SARDH: variants seen among roughly 807,000 people sequenced by gnomAD.
SARDH encodes sarcosine dehydrogenase, mitochondrial.
A neutral mutation model predicts 109.1 loss-of-function variants in SARDH; 95 were observed. That is an observed-to-expected ratio of 0.87 (90% CI 0.74 to 1.03). The LOEUF (loss-of-function observed/expected upper bound fraction) is 1.03. Among genes scored for constraint, SARDH ranks in the 50% least tolerant of loss-of-function variants. SARDH has a pLI of 0.00. For missense variants in SARDH, 1,267 were observed against 1,287.8 expected (o/e 0.98, Z 0.25); for synonymous variants, 572 against 534.8 (o/e 1.07, Z -0.96).
At chr9:133,720,312 C>T (rs1047077478) in intron 6 of SARDH, among the ~76,000 whole-genome samples, 2 of 152,112 alleles carry the variant, frequency 1.3e-5, no homozygotes, top group African/African-American at 4.8e-5. Context: ...GCTGTAATCC[C>T]AGCTACTCAG....
chr9:133,695,357 C>A (rs1263829314), intron 14 of SARDH, among the ~76,000 whole-genome samples: 1 of 152,220 alleles, frequency 6.6e-6, no homozygotes, highest in Non-Finnish European at 1.5e-5. Context: ...GCATGAGAAT[C>A]ACTTGGACCC....
At chr9:133,699,269 G>A (rs1417488683) in intron 13 of SARDH, among the ~76,000 whole-genome samples, 3 of 151,900 alleles carry the variant, frequency 2.0e-5, no homozygotes, top group Admixed American at 1.3e-4. Context: ...TTACTTGGGA[G>A]GCTGAGGCAG....
intron 4 of SARDH, among the ~76,000 whole-genome samples, chr9:133,730,867 C>T (rs1832656559): frequency 6.6e-6 from 1 of 152,120 alleles, no homozygotes. Context: ...GTCCCAGCTA[C>T]TCAGGAGGCT....
At position 133,686,605 on chromosome 9, in the gene SARDH, A is replaced by G. The variant is rs1291174503; in HGVS notation, c.2070-1319T>C. Among the ~76,000 whole-genome samples the G allele has an allele frequency of 6.6e-6, 1 of 151,578 alleles. No individual in the cohort carries two copies. Among genetic ancestry groups the G allele is most frequent in the Non-Finnish European group, 1.5e-5 (1 of 67,882 alleles). On this transcript the variant is annotated intron_variant, in intron 16 of 20. Coordinates refer to ENST00000439388, the MANE Select transcript of SARDH (RefSeq NM_001134707.2). This position sits in a 1 kb window ranked among gnomAD's most constrained non-coding sequence, Gnocchi z 4.0. ...GCCTGGCACAGAGCAGGCTCTCAGT[A>G]AATAGAACTGACTGTGAACACCCTG...
chr9:133,718,877 C>T lies in SARDH; in HGVS notation c.1020+61G>A. ...GAGGATGGACTTCCTGAAAGAGGCC[C>T]TCTCCATGCTGAGATGCAGCCCCAA... On this transcript the variant is annotated intron_variant, in intron 7 of 20. Transcript: ENST00000439388. The surrounding 1 kb of genome is among the most constrained non-coding windows in gnomAD (Gnocchi z 4.2). 1 of 1,301,414 alleles carries T rather than the reference C, an allele frequency of 7.7e-7. No individual in the cohort carries two copies. Among genetic ancestry groups the T allele is most frequent in the Admixed American group, 1.7e-5 (1 of 59,372 alleles). 80.6% of individuals were successfully genotyped at this position (1,301,414 alleles called of 1,614,324 possible). A position where few individuals can be genotyped will look rare whatever the true frequency, so the allele number is the denominator to read the frequency against.
At chr9:133,660,078 A>T (rs1158937483), downstream of SARDH, among the ~76,000 whole-genome samples, 2 of 47,818 alleles carry the variant, frequency 4.2e-5, no homozygotes. Flanking sequence ...CCCCCCACTC[A>T]CACTCTTGCT....
rs1241949541 is a variant in SARDH, at chr9:133,686,447, A to G, written c.2070-1161T>C. Among the ~76,000 whole-genome samples the G allele has an allele frequency of 6.6e-6, 1 of 151,946 alleles. No individual in the cohort carries two copies. The highest frequency in any genetic ancestry group is 2.4e-5 in the African/African-American group (1 of 41,352). The stretch of plus-strand genomic sequence containing the variant: ...CCCAGGAAGCCCTCCCTGACTCCCT[A>G]GGTCTTGGGCAGGTACTCGTTGTCC... On this transcript the variant is annotated intron_variant, in intron 16 of 20. Transcript: ENST00000439388. The surrounding 1 kb of genome is among the most constrained non-coding windows in gnomAD (Gnocchi z 4.0).
chr9:133,720,879 GAAGA>G (rs1457768285), intron 6 of SARDH, among the ~76,000 whole-genome samples: 1 of 152,136 alleles, frequency 6.6e-6, no homozygotes, highest in African/African-American at 2.4e-5. Context: ...AATCTAAGAT[GAAGA>G]AAGAGGTCTT....
At position 133,709,592 on chromosome 9, in the gene SARDH, G is replaced by C. The variant is rs1357080765; in HGVS notation, c.1329-1164C>G. ...GATTCTTAGTCTGCACGTAATTCTAGCAAGCAGAATTTTCTGATCTGGATG... is the reference window on the plus strand; with the variant it reads ...GATTCTTAGTCTGCACGTAATTCTACCAAGCAGAATTTTCTGATCTGGATG... On this transcript the variant is annotated intron_variant, in intron 10 of 20. Coordinates refer to ENST00000439388, the MANE Select transcript of SARDH (RefSeq NM_001134707.2). This position sits in a 1 kb window ranked among gnomAD's most constrained non-coding sequence, Gnocchi z 4.2. Among the ~76,000 whole-genome samples, 2 of 152,118 alleles carry C rather than the reference G, an allele frequency of 1.3e-5. No individual in the cohort carries two copies. The highest frequency in any genetic ancestry group is 4.8e-5 in the African/African-American group (2 of 41,398).
At chr9:133,687,987 C>T (rs990360995) in intron 16 of SARDH, among the ~76,000 whole-genome samples, 4 of 152,106 alleles carry the variant, frequency 2.6e-5, no homozygotes, top group Non-Finnish European at 5.9e-5. Context: ...TGAGGCTGGG[C>T]GCACCGGCCG....
intron 13 of SARDH, among the ~76,000 whole-genome samples, chr9:133,701,531 A>G (rs1023738079): frequency 3.9e-5 from 6 of 152,282 alleles, no homozygotes; most frequent in South Asian, 2.1e-4. Context: ...GGACGGCTTC[A>G]GGCGCGTTTG....
intron 14 of SARDH, 32 bp downstream of exon 14, chr9:133,696,191 A>G: frequency 6.2e-7 from 1 of 1,611,192 alleles, no homozygotes; most frequent in Non-Finnish European, 8.5e-7. Context: ...ATGGAGTGAC[A>G]GGAACATGCC....
At chr9:133,673,720 C>T (rs145090005) in intron 17 of SARDH, among the ~76,000 whole-genome samples, 11 of 152,336 alleles carry the variant, frequency 7.2e-5, no homozygotes, top group African/African-American at 2.6e-4. Context: ...GCCTTGTCAA[C>T]GGGGTTCTAA....
chr9:133,685,406 A>G (rs1830851142), intron 16 of SARDH, 120 bp from the exon 17 acceptor site: 2 of 665,654 alleles, frequency 3.0e-6, no homozygotes. Flanking sequence ...ACAGATGACA[A>G]TAAACATGGA....
chr9:133,683,497 G>A (rs991680080), intron 17 of SARDH, among the ~76,000 whole-genome samples: 2 of 152,250 alleles, frequency 1.3e-5, no homozygotes, highest in African/African-American at 4.8e-5. Context: ...TGGAGCTGGA[G>A]TCGGGCCATC....
chr9:133,688,156 C>T (rs1410650348), intron 16 of SARDH, among the ~76,000 whole-genome samples: 1 of 152,040 alleles, frequency 6.6e-6, no homozygotes, highest in East Asian at 1.9e-4. Context: ...CTCCCTCTAC[C>T]CCAGAGATGC....
rs890903790 is a variant in SARDH at position 133,717,221 on chromosome 9, G to C, written c.1150+105C>G. 7.0e-6 allele frequency: 10 copies of C among 1,426,918 alleles called. No homozygotes were observed. In the East Asian group the frequency reaches 2.3e-4, roughly 33 times the overall value. 88.4% of individuals were successfully genotyped at this position (1,426,918 alleles called of 1,614,324 possible). A position where few individuals can be genotyped will look rare whatever the true frequency, so the allele number is the denominator to read the frequency against. On this transcript the variant is annotated intron_variant, in intron 8 of 20. Coordinates refer to ENST00000439388, the MANE Select transcript of SARDH (RefSeq NM_001134707.2). ...AGCGAGAGGGACCGGGGACAGCCCT[G>C]GGTCCCCTGTGTGACACAGGCTGGT...
chr9:133,689,516 C>T (rs764678790), intron 16 of SARDH, among the ~76,000 whole-genome samples: 6 of 152,202 alleles, frequency 3.9e-5, no homozygotes, highest in Admixed American at 6.5e-5. Context: ...CTTCTGAGCA[C>T]AAGGGGGACG....
In SARDH at chr9:133,712,753, TC is replaced by T; in HGVS notation, c.1238-45del. 1 of 1,569,782 alleles carries T rather than the reference TC, an allele frequency of 6.4e-7. No homozygotes were observed. Among genetic ancestry groups the T allele is most frequent in the Non-Finnish European group, 8.7e-7 (1 of 1,152,510 alleles). On this transcript the variant is annotated intron_variant, in intron 9 of 20. Coordinates refer to ENST00000439388, the MANE Select transcript of SARDH (RefSeq NM_001134707.2). This position sits in a 1 kb window ranked among gnomAD's most constrained non-coding sequence, Gnocchi z 4.1. ...CAGGGCTGCGGTCTGCCCCCCAGGG[TC>T]CCCCACCCATGTCCAAACATGTGCC...
Sources: gnomAD v4.1 joint callset for allele counts (sites outside exome capture counted in the v4.1 genomes callset) on GRCh38, gnomAD v4.1.1 for gene constraint, Gnocchi (gnomAD v3.1) non-coding constraint, MANE v1.5 for transcripts, NCBI Gene and HGNC (gene_info 2026-07-23, HGNC 2026-07-21) for gene names.